The following EFHC1 variants were observed in gnomAD, a reference collection of about 807,000 sequenced individuals.
The protein encoded by EFHC1 is EF-hand domain containing 1.
A neutral mutation model predicts 69.9 loss-of-function variants in EFHC1; 53 were observed. That is an observed-to-expected ratio of 0.76 (90% CI 0.61 to 0.95). The LOEUF is 0.95. EFHC1 is among the 40% of genes least tolerant of loss of function. The pLI, the probability that EFHC1 is intolerant of heterozygous loss-of-function variation, is 0.00. For synonymous variants in EFHC1, 256 were observed against 278.4 expected (o/e 0.92, Z 0.80); for missense variants, 739 against 798.7 (o/e 0.93, Z 0.90).
intron 3 of EFHC1, among the ~76,000 whole-genome samples, chr6:52,446,817 T>C (rs907364251): frequency 1.3e-5 from 2 of 152,232 alleles, no homozygotes; most frequent in South Asian, 2.1e-4. Context: ...CCTTCACTTA[T>C]GAAGCTTAGT....
At chr6:52,425,528 T>C (rs749660138) in intron 2 of EFHC1, among the ~76,000 whole-genome samples, 3 of 152,192 alleles carry the variant, frequency 2.0e-5, no homozygotes, top group African/African-American at 4.8e-5. Flanking sequence ...TTTTTTGTTT[T>C]CTATGTTATT....
intron 3 of EFHC1, among the ~76,000 whole-genome samples, chr6:52,442,273 C>T (rs1021507884): frequency 6.6e-6 from 1 of 151,830 alleles, no homozygotes; most frequent in African/African-American, 2.4e-5. Context: ...GAGGTGTGTT[C>T]CTTTAATACC....
At chr6:52,479,373 T>C (rs987368513) in intron 8 of EFHC1, 123 bp downstream of exon 8, 1 of 1,121,750 alleles carries the variant, frequency 8.9e-7, no homozygotes, top group African/African-American at 1.5e-5. Flanking sequence ...AAAGCTACTA[T>C]CCTTGTATAT....
intron 5 of EFHC1, among the ~76,000 whole-genome samples, chr6:52,464,225 T>G (rs77513338): frequency 0.016 from 2,487 of 152,328 alleles, 33 homozygotes; most frequent in Non-Finnish European, 0.024. Context: ...GCAAGATTGA[T>G]TCTACATTTG....
At chr6:52,469,665 A>G (rs1010425083) in intron 7 of EFHC1, among the ~76,000 whole-genome samples, 192 bp downstream of exon 7, 2 of 152,184 alleles carry the variant, frequency 1.3e-5, no homozygotes, top group African/African-American at 4.8e-5. Flanking sequence ...TAAGACCTAG[A>G]TCAAGTCCTA....
At position 52,493,655 on chromosome 6, in the gene EFHC1, CA is replaced by C. The variant is rs35994917; in HGVS notation, c.*1325del. The C allele has an allele frequency of 5.3e-3, 1,786 of 339,466 alleles. No individual in the cohort carries two copies. Among genetic ancestry groups the C allele is most frequent in the Admixed American group, 9.0e-3 (286 of 31,942 alleles). The allele number at this position is 339,466 out of a possible 1,614,324, so 21.0% of individuals were successfully genotyped here. On this transcript the variant is annotated 3_prime_UTR_variant, in exon 11 of 11. Transcript: ENST00000371068. ...TGGGTGACAGAGCAAGACTCCATCT[CA>C]AAAAAAAAAAGGTTAGAAAAATGCT...
Position 52,495,056 on chromosome 6 carries a change from G to T in EFHC1, c.*2715G>T, listed in dbSNP as rs535480481. 2.2e-6 allele frequency: 1 copy of T among 453,900 alleles called. No homozygotes were observed. Among genetic ancestry groups the T allele is most frequent in the Admixed American group, 2.4e-5 (1 of 42,552 alleles). 28.1% of individuals were successfully genotyped at this position (453,900 alleles called of 1,614,324 possible). On this transcript the variant is annotated 3_prime_UTR_variant, in exon 11 of 11. Coordinates refer to ENST00000371068, the MANE Select transcript of EFHC1 (RefSeq NM_018100.4). ...CAGTGCACCACTCTCAGATGGACGG[G>T]ACCCAGTCTGTACCTGATCACCCCG...
chr6:52,431,726 G>A (rs1412381438), intron 2 of EFHC1, among the ~76,000 whole-genome samples: 1 of 152,120 alleles, frequency 6.6e-6, no homozygotes, highest in Non-Finnish European at 1.5e-5. Flanking sequence ...ATTTGTTCCA[G>A]GGTATAGTTT....
chr6:52,430,292 C>T (rs1355527785), intron 2 of EFHC1: 1 of 152,434 alleles, frequency 6.6e-6, no homozygotes, highest in Non-Finnish European at 1.5e-5. Context: ...TGTCCCAGTT[C>T]TCAGAGGGAA....
At chr6:52,476,483 C>T (rs567830829) in intron 7 of EFHC1, among the ~76,000 whole-genome samples, 1 of 152,264 alleles carries the variant, frequency 6.6e-6, no homozygotes, top group South Asian at 2.1e-4. Context: ...CAAAACATCT[C>T]CCCCAAGATG....
chr6:52,453,649 T>C, intron 4 of EFHC1: 1 of 1,255,096 alleles, frequency 8.0e-7, no homozygotes, highest in South Asian at 1.4e-5. Flanking sequence ...AGATTGTGTT[T>C]ATATTATTGC....
intron 3 of EFHC1, among the ~76,000 whole-genome samples, chr6:52,446,680 T>A (rs571975354): frequency 1.3e-5 from 2 of 152,312 alleles, no homozygotes; most frequent in African/African-American, 2.4e-5. Flanking sequence ...ATTTGGCATG[T>A]TTTTGCAGTG....
chr6:52,472,114 A>C (rs189474010), intron 7 of EFHC1, among the ~76,000 whole-genome samples: 1 of 150,796 alleles, frequency 6.6e-6, no homozygotes, highest in Non-Finnish European at 1.5e-5. Context: ...TAAAACTCGC[A>C]TATACCCCTG....
intron 3 of EFHC1, among the ~76,000 whole-genome samples, chr6:52,444,910 G>A (rs1451192902): frequency 6.6e-6 from 1 of 152,098 alleles, no homozygotes; most frequent in Non-Finnish European, 1.5e-5. Context: ...GTGTGAATCT[G>A]TCTGGTCCTG....
chr6:52,430,774 A>G (rs1038285424), intron 2 of EFHC1, among the ~76,000 whole-genome samples: 9 of 151,850 alleles, frequency 5.9e-5, no homozygotes, highest in Non-Finnish European at 1.3e-4. Context: ...AATAGTGCCA[A>G]TAGTACCAGT....
chr6:52,492,879 A>C lies in EFHC1; in HGVS notation c.*538A>C. 2.2e-6 allele frequency: 1 copy of C among 452,978 alleles called. No individual in the cohort carries two copies. The highest frequency in any genetic ancestry group is 4.4e-6 in the Non-Finnish European group (1 of 226,362). 28.1% of individuals were successfully genotyped at this position (452,978 alleles called of 1,614,324 possible). ...AAATTCTCCCACCTCAGCCTCCAAAAGTGCTGGGATTATAGGCATGAGCCA... is the reference window on the plus strand; with the variant it reads ...AAATTCTCCCACCTCAGCCTCCAAACGTGCTGGGATTATAGGCATGAGCCA... On this transcript the variant is annotated 3_prime_UTR_variant, in exon 11 of 11. Coordinates refer to ENST00000371068, the MANE Select transcript of EFHC1 (RefSeq NM_018100.4).
At chr6:52,425,846 T>C (rs1764289634) in intron 2 of EFHC1, among the ~76,000 whole-genome samples, 3 of 152,198 alleles carry the variant, frequency 2.0e-5, no homozygotes, top group Admixed American at 1.3e-4. Flanking sequence ...TATTTGTCTA[T>C]ATTTTGGAAA....
intron 2 of EFHC1, among the ~76,000 whole-genome samples, chr6:52,427,978 T>G (rs112249662): frequency 2.6e-5 from 4 of 152,112 alleles, no homozygotes; most frequent in Admixed American, 1.3e-4. Flanking sequence ...CCAGCTAACA[T>G]TGTGACCTTG....
rs11552772 is a variant in EFHC1, at chr6:52,424,108, C to T, written c.226C>T (p.Gln76Ter). Residue 76 changes from glutamine (Q) to a stop codon, truncating the protein, a stop_gained, in exon 2 of 11, where the codon CAA (glutamine) becomes TAA (stop). Coordinates refer to ENST00000371068, the MANE Select transcript of EFHC1 (RefSeq NM_018100.4). LOFTEE classifies it high-confidence loss of function. ...ASKAPVLTYG[Q>*]PKQAPPADFI... ...TAAGGCACCAGTCTTAACTTATGGC[C>T]AACCTAAACAAGCCCCACCTGCGGA... 4 of 1,614,154 alleles carry T rather than the reference C, an allele frequency of 2.5e-6. No homozygotes were observed. In the South Asian group the frequency reaches 4.4e-5, roughly 18 times the overall value.
Sources: allele counts gnomAD v4.1 joint callset (sites outside exome capture counted in the v4.1 genomes callset), GRCh38; gene constraint gnomAD v4.1.1; transcripts MANE v1.5; gene names NCBI Gene and HGNC (gene_info 2026-07-23, HGNC 2026-07-21).